COLEC11: variants seen among roughly 807,000 people sequenced by gnomAD.
The protein encoded by COLEC11 is collectin-11.
In COLEC11, 20 loss-of-function variants were observed where a neutral mutation model predicts 27.3. The observed-to-expected ratio is 0.73, with a 90% CI of 0.51 to 1.06. COLEC11 has a LOEUF of 1.06. Among genes scored for constraint, COLEC11 ranks in the 50% least tolerant of loss-of-function variants. The probability of loss-of-function intolerance (pLI) is 0.00; values close to 1 mark genes in which losing one functional copy is unlikely to be tolerated. For synonymous variants in COLEC11, 163 were observed against 154.7 expected, an observed-to-expected ratio of 1.05 and a Z score of -0.40; for missense variants, 310 against 383.0, an observed-to-expected ratio of 0.81 and a Z score of 1.59.
chr2:3,599,226 A>G (rs896583112), intron 1 of COLEC11, among the ~76,000 whole-genome samples: 1 of 152,152 alleles, frequency 6.6e-6, no homozygotes, highest in Middle Eastern at 3.2e-3. Context: ...TTTTCCTCCA[A>G]CCCAGTGGAC....
chr2:3,641,606 G>C (rs1172859362), intron 5 of COLEC11, among the ~76,000 whole-genome samples: 1 of 152,206 alleles, frequency 6.6e-6, no homozygotes, highest in Non-Finnish European at 1.5e-5. Flanking sequence ...CCAGCTTGAA[G>C]ATAAAATATA....
At chr2:3,603,647 T>C in intron 1 of COLEC11, 1 of 1,551,026 alleles carries the variant, frequency 6.4e-7, no homozygotes, top group Non-Finnish European at 8.7e-7. Context: ...CCCTTCACGA[T>C]GAAGAAACAA....
intron 1 of COLEC11, among the ~76,000 whole-genome samples, chr2:3,595,872 C>G (rs931720275): frequency 2.6e-5 from 4 of 152,216 alleles, no homozygotes; most frequent in Non-Finnish European, 5.9e-5. Context: ...TTAAAGCCAT[C>G]TCATGTGCAT....
chr2:3,634,050 C>T (rs2147944764), intron 3 of COLEC11, among the ~76,000 whole-genome samples: 1 of 152,312 alleles, frequency 6.6e-6, no homozygotes, highest in Non-Finnish European at 1.5e-5. Flanking sequence ...TCATCTTGCC[C>T]TAACTCTCTC....
At chr2:3,598,055 C>G (rs1661977237) in intron 1 of COLEC11, among the ~76,000 whole-genome samples, 1 of 152,174 alleles carries the variant, frequency 6.6e-6, no homozygotes, top group African/African-American at 2.4e-5. Context: ...CCTGCCTCAG[C>G]CTCCCGAGTC....
chr2:3,621,205 A>G (rs755651061), intron 3 of COLEC11, among the ~76,000 whole-genome samples: 29 of 152,288 alleles, frequency 1.9e-4, no homozygotes, highest in Middle Eastern at 3.4e-3. Flanking sequence ...AGGTGCTCCA[A>G]TGTTGAATGT....
At chr2:3,633,276 G>T (rs11690887) in intron 3 of COLEC11, among the ~76,000 whole-genome samples, 2 of 152,098 alleles carry the variant, frequency 1.3e-5, no homozygotes, top group Non-Finnish European at 2.9e-5. Flanking sequence ...TCCCATCTTC[G>T]GGAAAGACTT....
intron 5 of COLEC11, chr2:3,641,497 C>A: frequency 8.8e-7 from 1 of 1,142,296 alleles, no homozygotes; most frequent in Non-Finnish European, 1.1e-6. Flanking sequence ...ATCGTCAGGC[C>A]TAGCTTGGTC....
At chr2:3,624,793 G>C (rs1027674655) in intron 3 of COLEC11, among the ~76,000 whole-genome samples, 4 of 152,174 alleles carry the variant, frequency 2.6e-5, no homozygotes, top group Non-Finnish European at 5.9e-5. Context: ...TGTCAACATG[G>C]AAGCTTCTTT....
chr2:3,604,851 T>G (rs1662518297), intron 2 of COLEC11, among the ~76,000 whole-genome samples: 1 of 152,166 alleles, frequency 6.6e-6, no homozygotes, highest in African/African-American at 2.4e-5. Context: ...GCAACTTGTG[T>G]TAAGTTCCCA....
At chr2:3,608,324 A>G (rs1360857762) in intron 2 of COLEC11, among the ~76,000 whole-genome samples, 2 of 152,216 alleles carry the variant, frequency 1.3e-5, no homozygotes, top group African/African-American at 4.8e-5. Flanking sequence ...GTAGAGAAAT[A>G]ACTTGTCATT....
chr2:3,606,393 C>T (rs934165495), intron 2 of COLEC11: 1 of 700,670 alleles, frequency 1.4e-6, no homozygotes, highest in South Asian at 1.9e-5. Flanking sequence ...TGGGTAGGGT[C>T]CCTTCTCAAC....
At chr2:3,612,181 CGCACACATACACGT>C (rs1205290590) in intron 2 of COLEC11, among the ~76,000 whole-genome samples, 3 of 152,172 alleles carry the variant, frequency 2.0e-5, no homozygotes, top group Admixed American at 2.0e-4. Flanking sequence ...CGCACACACG[CGCACACATACACGT>C]GCACACCTAT....
Position 3,630,918 on chromosome 2 carries a change from T to G in COLEC11, c.203-6615T>G, listed in dbSNP as rs186408234. Among the ~76,000 whole-genome samples the G allele has an allele frequency of 3.3e-5, 5 of 152,346 alleles. No individual in the cohort carries two copies. In the East Asian group the frequency reaches 5.8e-4, roughly 18 times the overall value. ...GCTTTGACTGTTTTGTCATTAAGAT[T>G]GTACTGGTAAAGCCACGTTTCGTCT... On this transcript the variant is annotated intron_variant, in intron 3 of 6. Transcript: ENST00000349077.
chr2:3,627,971 C>T (rs770755240), intron 3 of COLEC11, among the ~76,000 whole-genome samples: 24 of 152,186 alleles, frequency 1.6e-4, no homozygotes, highest in Non-Finnish European at 2.8e-4. Flanking sequence ...TGCTGTTGCC[C>T]AGCCTGTGGC....
chr2:3,630,287 C>T (rs1382008607), intron 3 of COLEC11, among the ~76,000 whole-genome samples: 1 of 152,080 alleles, frequency 6.6e-6, no homozygotes, highest in Non-Finnish European at 1.5e-5. Flanking sequence ...AGTATATGTG[C>T]ATATGTCTGT....
intron 3 of COLEC11, among the ~76,000 whole-genome samples, chr2:3,616,467 A>G (rs532613294): frequency 6.6e-6 from 1 of 152,210 alleles, no homozygotes; most frequent in Non-Finnish European, 1.5e-5. Flanking sequence ...AGCCTGGGCA[A>G]CATTGAGCAC....
rs77356979 is a variant in COLEC11 at position 3,602,196 on chromosome 2, A to G, written c.-26-2119A>G. On this transcript the variant is annotated intron_variant, in intron 1 of 6. Transcript: ENST00000349077. The surrounding 1 kb of genome is among the most constrained non-coding windows in gnomAD (Gnocchi z 6.2). ...TTCTCTAGCAGCTAAGGTGACCTTC[A>G]TTTTGGACCTGAGAGGGCCAGCTGG... Among the ~76,000 whole-genome samples the G allele has an allele frequency of 6.6e-6, 1 of 152,222 alleles. No individual in the cohort carries two copies. The highest frequency in any genetic ancestry group is 2.4e-5 in the African/African-American group (1 of 41,538).
intron 5 of COLEC11, among the ~76,000 whole-genome samples, chr2:3,642,183 C>T (rs1475637251): frequency 6.6e-6 from 1 of 152,172 alleles, no homozygotes; most frequent in African/African-American, 2.4e-5. Flanking sequence ...AGGGACTTCC[C>T]GCCTAGCCAC....
Sources: allele counts gnomAD v4.1 joint callset (sites outside exome capture counted in the v4.1 genomes callset), GRCh38; gene constraint gnomAD v4.1.1; non-coding constraint Gnocchi (gnomAD v3.1); transcripts MANE v1.5; gene names NCBI Gene and HGNC (gene_info 2026-07-23, HGNC 2026-07-21).